AKR1D1: variants seen among roughly 807,000 people sequenced by gnomAD.
The protein encoded by AKR1D1 is delta(4)-3-ketosteroid 5-beta-reductase.
AKR1D1 carries 32 observed loss-of-function variants against 42.6 expected under a neutral mutation model. The observed-to-expected ratio is 0.75, with a 90% CI of 0.57 to 1.01. The LOEUF (loss-of-function observed/expected upper bound fraction) is 1.01. Ranked by LOEUF, AKR1D1 falls within the 50% of genes least tolerant of loss-of-function variation. The pLI is 0.00. For missense variants in AKR1D1, 364 were observed against 402.2 expected (o/e 0.91, Z 0.81); for synonymous variants, 123 against 135.5 (o/e 0.91, Z 0.64).
rs1037530557 is a variant in AKR1D1 at position 138,115,962 on chromosome 7, T to C, written c.939-658T>C. The stretch of plus-strand genomic sequence containing the variant: ...TGCTAATGAGACTGGGTGTGGTGGC[T>C]CACACCTATAGTCCCAGCACTTTGG... On this transcript the variant is annotated intron_variant, in intron 8 of 8. Transcript: ENST00000242375. Among the ~76,000 whole-genome samples the C allele has an allele frequency of 3.3e-5, 5 of 152,138 alleles. 1 individual carries two copies. The highest frequency in any genetic ancestry group is 3.3e-4 in the Admixed American group (5 of 15,266).
intron 3 of AKR1D1, among the ~76,000 whole-genome samples, chr7:138,094,445 G>A (rs1168191020): frequency 6.6e-6 from 1 of 152,200 alleles, no homozygotes; most frequent in Admixed American, 6.5e-5. Context: ...AGCTGGGGAG[G>A]TGGAGGGTGC....
intron 8 of AKR1D1, among the ~76,000 whole-genome samples, chr7:138,115,342 TGAG>T (rs1794614149): frequency 6.6e-6 from 1 of 152,088 alleles, no homozygotes; most frequent in Non-Finnish European, 1.5e-5. Flanking sequence ...CTTAGGACGC[TGAG>T]GTGGGAGGAT....
At position 138,076,550 on chromosome 7, in the gene AKR1D1, C is replaced by T. The variant is rs1268160999; in HGVS notation, c.32C>T (p.Pro11Leu). The T allele has an allele frequency of 6.2e-7, 1 of 1,613,650 alleles. No homozygotes were observed. The highest frequency in any genetic ancestry group is 2.2e-5 in the East Asian group (1 of 44,844). ...CTCAGTGCTGCAAGTCACCGCATAC[C>T]TCTAAGTGATGGAAACAGCATTCCC... MDLSAASHRI[P>L]LSDGNSIPII... Residue 11 changes from proline to leucine, a missense_variant, in exon 1 of 9, where the codon CCT becomes CTT. Coordinates refer to ENST00000242375, the MANE Select transcript of AKR1D1 (RefSeq NM_005989.4).
rs1794403434 is a variant in AKR1D1, at chr7:138,105,432, AC to A, written c.579+4del. ...AACACAAGCCAGTCAGCAACCAGGT[AC>A]AGCCTAATAGCTTCCACTAGGGTGT... On this transcript the variant is annotated splice_donor_region_variant and intron_variant, in intron 5 of 8. Coordinates refer to ENST00000242375, the MANE Select transcript of AKR1D1 (RefSeq NM_005989.4). 3 of 1,613,772 alleles carry A rather than the reference AC, an allele frequency of 1.9e-6. No homozygotes were observed. The East Asian group carries it at 6.7e-5, about 36-fold the overall frequency.
At chr7:138,095,835 A>C (rs1011560983) in intron 3 of AKR1D1, among the ~76,000 whole-genome samples, 15 of 151,706 alleles carry the variant, frequency 9.9e-5, no homozygotes, top group African/African-American at 3.6e-4. Context: ...CAAATTAGGA[A>C]CAAATTTAAG....
rs964554671 is a variant in AKR1D1 at position 138,105,402 on chromosome 7, A to T, written c.552A>T (p.Gly184=). ...RQLELILNKP[G]LKHKPVSNQV... ...TGGAGCTCATCCTGAACAAGCCAGG[A>T]CTCAAACACAAGCCAGTCAGCAACC... is the stretch of plus-strand genomic sequence containing the variant. The change falls in exon 5 of 9, where the codon GGA becomes GGT. Residue 184 remains glycine (G), a synonymous_variant. Transcript: ENST00000242375. 1.2e-6 allele frequency: 2 copies of T among 1,614,024 alleles called. No homozygotes were observed. The highest frequency in any genetic ancestry group is 1.7e-6 in the Non-Finnish European group (2 of 1,179,980).
rs762613714 is a variant in AKR1D1, at chr7:138,106,595, T to A, written c.580-13T>A. 4.4e-6 allele frequency: 7 copies of A among 1,608,484 alleles called. No homozygotes were observed. In the East Asian group the frequency reaches 1.6e-4, roughly 36 times the overall value. On this transcript the variant is annotated splice_polypyrimidine_tract_variant and intron_variant, in intron 5 of 8. Transcript: ENST00000242375. Reference sequence around the variant, plus strand: ...CTTGATTTTGTGCTCTGCTCTCCAATGCAACCACATAGGTTGAGTGCCATC... The same window carrying A: ...CTTGATTTTGTGCTCTGCTCTCCAAAGCAACCACATAGGTTGAGTGCCATC...
chr7:138,081,770 C>T (rs983773065), intron 1 of AKR1D1, among the ~76,000 whole-genome samples: 4 of 151,960 alleles, frequency 2.6e-5, no homozygotes, highest in African/African-American at 7.3e-5. Context: ...TTAGTAGAGA[C>T]GGGGTTTCTC....
chr7:138,101,158 TCCC>T lies in AKR1D1; in HGVS notation c.456+3216_456+3218del, dbSNP rs1562935727. ...TATAAGAGTGTTTTCTTTCCCTCCC[TCCC>T]TCCCTCCCTCCCTCCCTCCCTCCCT... On this transcript the variant is annotated intron_variant, in intron 4 of 8. Coordinates refer to ENST00000242375, the MANE Select transcript of AKR1D1 (RefSeq NM_005989.4). Among the ~76,000 whole-genome samples, 66 of 61,510 alleles carry T rather than the reference TCCC, an allele frequency of 1.1e-3. 2 individuals carry two copies. The highest frequency in any genetic ancestry group is 4.9e-3 in the African/African-American group (66 of 13,490). The allele number at this position is 61,510 out of a possible 152,430, so 40.4% of individuals were successfully genotyped here. A position where few individuals can be genotyped will look rare whatever the true frequency, so the allele number is the denominator to read the frequency against.
intron 8 of AKR1D1, among the ~76,000 whole-genome samples, chr7:138,114,431 G>A (rs910435301): frequency 1.3e-5 from 2 of 152,096 alleles, no homozygotes; most frequent in Non-Finnish European, 2.9e-5. Context: ...AGGCTAAGGT[G>A]GGCGGATCAC....
In AKR1D1 at chr7:138,116,605, G is replaced by T. The variant is rs1342523650; in HGVS notation, c.939-15G>T. 1 of 1,614,140 alleles carries T rather than the reference G, an allele frequency of 6.2e-7. No individual in the cohort carries two copies. The highest frequency in any genetic ancestry group is 1.7e-5 in the Admixed American group (1 of 60,020). On this transcript the variant is annotated splice_polypyrimidine_tract_variant and intron_variant, in intron 8 of 8. Transcript: ENST00000242375. The stretch of plus-strand genomic sequence containing the variant: ...TTTGAGTGAACTTTTTTCTGTGGGG[G>T]AATTGTTTTGGCAGGTGGCGCGATC...
intron 2 of AKR1D1, among the ~76,000 whole-genome samples, chr7:138,090,361 G>C (rs1468452072): frequency 2.6e-5 from 4 of 152,126 alleles, no homozygotes; most frequent in African/African-American, 9.7e-5. Flanking sequence ...TTCAGGCCGG[G>C]TGCAGTGGCT....
At chr7:138,082,701 C>A (rs1047842655) in intron 1 of AKR1D1, among the ~76,000 whole-genome samples, 5 of 152,134 alleles carry the variant, frequency 3.3e-5, no homozygotes, top group Admixed American at 2.0e-4. Context: ...AAGCTTATTT[C>A]TTTAATCAAA....
In AKR1D1 at chr7:138,088,589, T is replaced by C. The variant is rs1258846832; in HGVS notation, c.94-12T>C. 1.2e-6 allele frequency: 2 copies of C among 1,614,020 alleles called. No homozygotes were observed. Among genetic ancestry groups the C allele is most frequent in the African/African-American group, 1.3e-5 (1 of 74,934 alleles). ...TCTCTTTTCCCCAAACCCAACCTCT[T>C]TGTCACTTCAGACCCCTAAGGGAGC... is the stretch of plus-strand genomic sequence containing the variant. On this transcript the variant is annotated splice_polypyrimidine_tract_variant and intron_variant, in intron 1 of 8. Transcript: ENST00000242375.
chr7:138,091,624 G>A (rs867452893), intron 2 of AKR1D1, 144 bp from the exon 3 acceptor site: 4 of 668,952 alleles, frequency 6.0e-6, no homozygotes, highest in African/African-American at 5.5e-5. Flanking sequence ...GAGCCCAGGA[G>A]TTAAAGACCA....
chr7:138,106,252 A>G (rs1041612635), intron 5 of AKR1D1, among the ~76,000 whole-genome samples: 1 of 152,222 alleles, frequency 6.6e-6, no homozygotes, highest in Non-Finnish European at 1.5e-5. Flanking sequence ...TATTTCTGCA[A>G]TCTATGCTAA....
intron 7 of AKR1D1, among the ~76,000 whole-genome samples, chr7:138,111,387 T>C (rs796790178): frequency 6.6e-5 from 10 of 152,282 alleles, no homozygotes; most frequent in African/African-American, 2.4e-4. Flanking sequence ...CAAACCAAAC[T>C]TTTACCCTGA....
In AKR1D1 at chr7:138,117,360, T is replaced by A. The variant is rs1794654431; in HGVS notation, c.*698T>A. On this transcript the variant is annotated 3_prime_UTR_variant, in exon 9 of 9. Coordinates refer to ENST00000242375, the MANE Select transcript of AKR1D1 (RefSeq NM_005989.4). ...CTCAACATGGCTGCTGATCCATACTTACACATCTTACTGTCAATCTTGCCT... is the reference window on the plus strand; with the variant it reads ...CTCAACATGGCTGCTGATCCATACTAACACATCTTACTGTCAATCTTGCCT... 6.6e-6 allele frequency: 1 copy of A among 152,666 alleles called. No individual in the cohort carries two copies. Among genetic ancestry groups the A allele is most frequent in the African/African-American group, 2.4e-5 (1 of 41,456 alleles). 9.5% of individuals were successfully genotyped at this position (152,666 alleles called of 1,614,324 possible). A position where few individuals can be genotyped will look rare whatever the true frequency, so the allele number is the denominator to read the frequency against.
rs267606649 is a variant in AKR1D1, at chr7:138,097,885, C to G, written c.398C>G (p.Pro133Arg). 7.8e-5 allele frequency: 125 copies of G among 1,606,470 alleles called. No homozygotes were observed. The highest frequency in any genetic ancestry group is 9.3e-5 in the Non-Finnish European group (109 of 1,177,234). ...TTTCAGCCAGGAGATGAAATATACC[C>G]TAGAGATGAGAATGGCAAATGGTTA... ...MAFKPGDEIY[P>R]RDENGKWLYH... Residue 133 changes from proline to arginine, a missense_variant, in exon 4 of 9, where the codon CCT becomes CGT. Physicochemically the swap from Pro to Arg is moderately radical, Grantham distance 103 (BLOSUM62 -2). Coordinates refer to ENST00000242375, the MANE Select transcript of AKR1D1 (RefSeq NM_005989.4).
Sources: gnomAD v4.1 joint callset for allele counts (sites outside exome capture counted in the v4.1 genomes callset) on GRCh38, gnomAD v4.1.1 for gene constraint, MANE v1.5 for transcripts, NCBI Gene and HGNC (gene_info 2026-07-23, HGNC 2026-07-21) for gene names.